ZNF516: variants seen among roughly 807,000 people sequenced by gnomAD.
ZNF516 encodes zinc finger protein 516.
ZNF516 carries 19 observed loss-of-function variants against 79.7 expected under a neutral mutation model. The ratio of observed to expected loss-of-function variants is 0.24; its 90% CI spans 0.17 to 0.35. The LOEUF is 0.35. Among genes scored for constraint, ZNF516 ranks in the 10% least tolerant of loss-of-function variants. The pLI, the probability that ZNF516 is intolerant of heterozygous loss-of-function variation, is 1.00. For synonymous variants in ZNF516, 877 were observed against 739.5 expected (o/e 1.19, Z -3.02); for missense variants, 1,678 against 1,679.5 (o/e 1.00, Z 0.02).
rs1451505570 is a variant in ZNF516 at position 76,379,965 on chromosome 18, C to T, written c.2149G>A (p.Glu717Lys). The T allele has an allele frequency of 1.9e-6, 3 of 1,613,980 alleles. No individual in the cohort carries two copies. Among genetic ancestry groups the T allele is most frequent in the South Asian group, 2.2e-5 (2 of 91,080 alleles). Reference protein sequence around the residue: ...AEKLSDLHNKEHSGGGKRALA... With the variant: ...AEKLSDLHNKKHSGGGKRALA... ...GCCCGCTTCCCTCCCCCAGAGTGTTCCTTGTTGTGCAAATCGGACAGCTTT... is the reference window on the plus strand; with the variant it reads ...GCCCGCTTCCCTCCCCCAGAGTGTTTCTTGTTGTGCAAATCGGACAGCTTT... The change falls in exon 4 of 7, where the codon GAA becomes AAA. Residue 717 changes from glutamate to lysine, a missense_variant. Physicochemically the swap from Glu to Lys is moderately conservative, Grantham distance 56. Around this residue, in one of 5 missense-constraint regions of ZNF516, gnomAD observed 1,294 missense variants for 1,248.3 expected, o/e 1.04. Transcript: ENST00000443185.
rs1389435882 is a variant in ZNF516, at chr18:76,490,152, TCATCCCAGAG to T, written c.-272+4982_-272+4991del. 6 of 985,330 alleles carry T rather than the reference TCATCCCAGAG, an allele frequency of 6.1e-6. No individual in the cohort carries two copies. In the African/African-American group the frequency reaches 8.7e-5, roughly 14 times the overall value. 61.0% of individuals were successfully genotyped at this position (985,330 alleles called of 1,614,324 possible). A position where few individuals can be genotyped will look rare whatever the true frequency, so the allele number is the denominator to read the frequency against. ...TTGTGAGTCTTACACAGAATTCAGTTCATCCCAGAGCCCATTCAAGATGGCCATGGGGGTC... is the reference window on the plus strand; with the variant it reads ...TTGTGAGTCTTACACAGAATTCAGTTCCCATTCAAGATGGCCATGGGGGTC... On this transcript the variant is annotated intron_variant, in intron 1 of 6. Transcript: ENST00000443185.
intron 3 of ZNF516, among the ~76,000 whole-genome samples, chr18:76,405,481 G>T (rs1439200941): frequency 1.3e-5 from 2 of 152,180 alleles, no homozygotes; most frequent in African/African-American, 4.8e-5. Context: ...GCATGAAGCA[G>T]CTGAGCACAG....
intron 3 of ZNF516, among the ~76,000 whole-genome samples, chr18:76,434,052 C>T (rs77533273): frequency 0.018 from 2,666 of 150,052 alleles, 75 homozygotes; most frequent in African/African-American, 0.059. Flanking sequence ...CGTTGCTGTC[C>T]GTTCTTCCAG....
intron 3 of ZNF516, among the ~76,000 whole-genome samples, chr18:76,415,511 A>G (rs1484003062): frequency 3.9e-5 from 6 of 152,196 alleles, no homozygotes; most frequent in Admixed American, 3.9e-4. Flanking sequence ...GGGTGCAAAG[A>G]GGGCACAGCC....
intron 3 of ZNF516, among the ~76,000 whole-genome samples, chr18:76,423,822 TC>T (rs1568279105): frequency 7.9e-6 from 1 of 127,186 alleles, no homozygotes; most frequent in African/African-American, 3.1e-5. Flanking sequence ...GTGAAAAGGT[TC>T]CCCCATGAAA....
intron 1 of ZNF516, among the ~76,000 whole-genome samples, chr18:76,464,320 C>A (rs551523386): frequency 4.8e-4 from 73 of 152,216 alleles, no homozygotes; most frequent in Non-Finnish European, 1.3e-4. Context: ...TGCAGTGAGT[C>A]GAGATCATAC....
intron 3 of ZNF516, among the ~76,000 whole-genome samples, chr18:76,381,816 C>T (rs1404433950): frequency 1.3e-5 from 2 of 152,166 alleles, no homozygotes; most frequent in African/African-American, 2.4e-5. Flanking sequence ...CAACTCCTAC[C>T]GGCTCCTAAA....
intron 4 of ZNF516, among the ~76,000 whole-genome samples, chr18:76,375,863 G>A (rs1165228316): frequency 6.7e-6 from 1 of 149,696 alleles, no homozygotes; most frequent in Non-Finnish European, 1.5e-5. Flanking sequence ...CCAGAGACCA[G>A]GTAAAGGATG....
At chr18:76,384,810 A>G (rs115611999) in intron 3 of ZNF516, among the ~76,000 whole-genome samples, 2,370 of 152,158 alleles carry the variant, frequency 0.016, 49 homozygotes, top group African/African-American at 0.054. Flanking sequence ...GTCCCCACCA[A>G]TCTGACAGCC....
chr18:76,378,043 G>T (rs775791876), intron 4 of ZNF516: 1 of 152,186 alleles, frequency 6.6e-6, no homozygotes, highest in Non-Finnish European at 1.5e-5. Context: ...TCGAAGAACG[G>T]TTAGGACTTC....
chr18:76,495,812 G>A (rs1599180591), upstream of ZNF516: 3 of 1,018,478 alleles, frequency 2.9e-6, no homozygotes, highest in Non-Finnish European at 3.7e-6. Flanking sequence ...ACACGGCGTA[G>A]CGTGTGCGTG....
At chr18:76,402,897 C>T (rs1365504697) in intron 3 of ZNF516, among the ~76,000 whole-genome samples, 1 of 152,186 alleles carries the variant, frequency 6.6e-6, no homozygotes, top group Non-Finnish European at 1.5e-5. Flanking sequence ...GCTGTCTGCG[C>T]TCGCAGGACA....
chr18:76,425,998 TTGCATAG>T (rs1195139465), intron 3 of ZNF516, among the ~76,000 whole-genome samples: 1 of 152,266 alleles, frequency 6.6e-6, no homozygotes, highest in East Asian at 1.9e-4. Context: ...TGCCTTCATG[TTGCATAG>T]CAAACTCAAG....
At chr18:76,450,998 T>G (rs1241980085) in intron 2 of ZNF516, among the ~76,000 whole-genome samples, 5 of 152,176 alleles carry the variant, frequency 3.3e-5, no homozygotes, top group African/African-American at 1.2e-4. Context: ...TAGAGTCATT[T>G]CCTCAACAAT....
chr18:76,421,950 C>T (rs980335418), intron 3 of ZNF516, among the ~76,000 whole-genome samples: 8 of 152,116 alleles, frequency 5.3e-5, no homozygotes, highest in African/African-American at 1.4e-4. Flanking sequence ...CATTTTAAGG[C>T]AAGTGTTTTG....
At chr18:76,427,455 C>T (rs1387104198) in intron 3 of ZNF516, among the ~76,000 whole-genome samples, 4 of 152,048 alleles carry the variant, frequency 2.6e-5, no homozygotes, top group Admixed American at 2.6e-4. Flanking sequence ...GTTGGAAAAA[C>T]CAGATCAATA....
Position 76,442,539 on chromosome 18 carries a change from T to C in ZNF516, c.516A>G (p.Ala172=). 6.3e-7 allele frequency: 1 copy of C among 1,599,678 alleles called. No homozygotes were observed. The highest frequency in any genetic ancestry group is 8.5e-7 in the Non-Finnish European group (1 of 1,179,436). Residue 172 remains alanine (A), a synonymous_variant, in exon 3 of 7, where the codon GCA becomes GCG. Coordinates refer to ENST00000443185, the MANE Select transcript of ZNF516 (RefSeq NM_014643.4). The part of the protein sequence containing the change: ...GSACAPGEAK[A]AVQCSFCKSQ... ...TCTTGCAGAAGGAGCACTGGACCGC[T>C]GCCTTGGCCTCCCCCGGGGCGCATG...
rs529134241 is a variant in ZNF516, at chr18:76,462,504, C to T, written c.-158+524G>A. Among the ~76,000 whole-genome samples, 274 of 152,374 alleles carry T rather than the reference C, an allele frequency of 1.8e-3. 2 individuals carry two copies. The highest frequency in any genetic ancestry group is 6.3e-3 in the African/African-American group (262 of 41,594). On this transcript the variant is annotated intron_variant, in intron 2 of 6. Transcript: ENST00000443185. ...CCTGGTAACAACCGAAACCTGCCCC[C>T]GTGCGGACGCAGATGAAGCCTGCAC...
rs757092773 is a variant in ZNF516, at chr18:76,380,009, T to C, written c.2105A>G (p.Gln702Arg). 2 of 1,614,002 alleles carry C rather than the reference T, an allele frequency of 1.2e-6. No individual in the cohort carries two copies. ...EFPSSTGAEGQTGHPAEKLSD... is the reference protein window; with the variant it reads ...EFPSSTGAEGRTGHPAEKLSD... The stretch of plus-strand genomic sequence containing the variant: ...CAGCTTTTCTGCAGGGTGACCCGTC[T>C]GGCCCTCCGCTCCCGTACTGGAAGG... Residue 702 changes from glutamine to arginine, a missense_variant, in exon 4 of 7, where the codon CAG becomes CGG. Gln to Arg is a conservative substitution (Grantham distance 43). Transcript: ENST00000443185.
Sources: gnomAD v4.1 joint callset for allele counts (sites outside exome capture counted in the v4.1 genomes callset) on GRCh38, gnomAD v4.1.1 for gene constraint, gnomAD v4.1.1 regional missense constraint, MANE v1.5 for transcripts, NCBI Gene and HGNC (gene_info 2026-07-23, HGNC 2026-07-21) for gene names.